OPCML: variants seen among roughly 807,000 people sequenced by gnomAD.
The protein encoded by OPCML is opioid binding protein/cell adhesion molecule like.
In OPCML, 13 loss-of-function variants were observed where a neutral mutation model predicts 37.8. The observed-to-expected ratio is 0.34, with a 90% CI of 0.22 to 0.55. The LOEUF is 0.55. Among genes scored for constraint, OPCML ranks in the 20% least tolerant of loss-of-function variants. OPCML has a pLI of 0.91. For synonymous variants in OPCML, 176 were observed against 168.8 expected (o/e 1.04, Z -0.33); for missense variants, 341 against 435.6 (o/e 0.78, Z 1.93).
chr11:132,433,827 T>G (rs1297510534), intron 7 of OPCML, among the ~76,000 whole-genome samples: 1 of 152,122 alleles, frequency 6.6e-6, no homozygotes, highest in African/African-American at 2.4e-5. Context: ...AGCCATGAGG[T>G]GAGCCCTCAC....
chr11:133,439,537 T>G (rs573031427), intron 1 of OPCML, among the ~76,000 whole-genome samples: 18 of 152,128 alleles, frequency 1.2e-4, no homozygotes, highest in African/African-American at 3.9e-4. Context: ...GCTCCATCTC[T>G]GCTCACTGCA....
chr11:133,012,870 CA>C (rs11456619), intron 1 of OPCML, among the ~76,000 whole-genome samples: 120 of 113,212 alleles, frequency 1.1e-3, no homozygotes, highest in Middle Eastern at 8.7e-3. Flanking sequence ...AACTCCATCT[CA>C]AAAAAAAAAA....
At chr11:133,243,712 A>C (rs1014908961) in intron 1 of OPCML, among the ~76,000 whole-genome samples, 3 of 152,244 alleles carry the variant, frequency 2.0e-5, no homozygotes, top group South Asian at 2.1e-4. Flanking sequence ...AGTGGGTGAC[A>C]TAGCAAGCCA....
chr11:132,843,499 A>T (rs566103512), intron 2 of OPCML, among the ~76,000 whole-genome samples: 90 of 152,272 alleles, frequency 5.9e-4, no homozygotes, highest in African/African-American at 2.0e-3. Context: ...ATACATACCC[A>T]AGAAAGAGAG....
chr11:133,305,146 C>T (rs1483085842), intron 1 of OPCML, among the ~76,000 whole-genome samples: 1 of 152,184 alleles, frequency 6.6e-6, no homozygotes, highest in Non-Finnish European at 1.5e-5. Context: ...AAAAACCTTT[C>T]TCTTAATATT....
intron 2 of OPCML, among the ~76,000 whole-genome samples, chr11:132,899,527 T>C (rs1303997808): frequency 6.6e-6 from 1 of 152,198 alleles, no homozygotes. Context: ...GGTGGAACTA[T>C]TTCCTTGTTA....
At chr11:133,482,627 C>CCA (rs1036698293) in intron 1 of OPCML, among the ~76,000 whole-genome samples, 4 of 151,968 alleles carry the variant, frequency 2.6e-5, no homozygotes, top group Non-Finnish European at 5.9e-5. Flanking sequence ...TGTTCTGTCA[C>CCA]CACTGAAATC....
At position 133,446,164 on chromosome 11, in the gene OPCML, C is replaced by T. The variant is rs990583329; in HGVS notation, c.61+86100G>A. On this transcript the variant is annotated intron_variant, in intron 1 of 7. Coordinates refer to ENST00000524381, the MANE Select transcript of OPCML (RefSeq NM_001012393.5). ...TCAGACAATGTCACTCTGAACTACA[C>T]AGTGGTTATGAGATTTAAGCATCTC... Among the ~76,000 whole-genome samples the T allele has an allele frequency of 3.7e-4, 56 of 152,242 alleles. 1 individual carries two copies. Among genetic ancestry groups the T allele is most frequent in the Middle Eastern group, 6.8e-3 (2 of 294 alleles).
rs1345644214 is a variant in OPCML, at chr11:133,232,212, T to C, written c.62-289202A>G. ...ATGTCCTTCAGCAAGAGTGAATTTC[T>C]AGTGTGGGCAGCTCCGTACTTGGTT... On this transcript the variant is annotated intron_variant, in intron 1 of 7. Coordinates refer to ENST00000524381, the MANE Select transcript of OPCML (RefSeq NM_001012393.5). Among the ~76,000 whole-genome samples the C allele has an allele frequency of 2.6e-5, 4 of 152,062 alleles. No individual in the cohort carries two copies. The East Asian group carries it at 7.7e-4, about 29-fold the overall frequency.
intron 1 of OPCML, among the ~76,000 whole-genome samples, chr11:133,168,758 T>C (rs1429770300): frequency 1.3e-5 from 2 of 152,194 alleles, no homozygotes; most frequent in Admixed American, 6.5e-5. Flanking sequence ...CGGACACTGA[T>C]GTTCGATATT....
At position 133,184,647 on chromosome 11, in the gene OPCML, G is replaced by T. The variant is rs1380389109; in HGVS notation, c.62-241637C>A. ...GTCCATTAAATTAACTATCTACTTA[G>T]AGTAATTAAGACGGGGAAGTCTACT... On this transcript the variant is annotated intron_variant, in intron 1 of 7. Transcript: ENST00000524381. Among the ~76,000 whole-genome samples, 3 of 152,268 alleles carry T rather than the reference G, an allele frequency of 2.0e-5. No homozygotes were observed. The East Asian group carries it at 5.8e-4, about 29-fold the overall frequency.
chr11:133,158,608 G>A (rs1453508684), intron 1 of OPCML, among the ~76,000 whole-genome samples: 2 of 151,930 alleles, frequency 1.3e-5, no homozygotes, highest in East Asian at 1.9e-4. Flanking sequence ...GCTGAGGCAG[G>A]AGAATCACTT....
chr11:133,058,969 G>A (rs998879615), intron 1 of OPCML, among the ~76,000 whole-genome samples: 15 of 152,208 alleles, frequency 9.9e-5, no homozygotes, highest in African/African-American at 3.1e-4. Flanking sequence ...ACCAGAAAAT[G>A]AGAATTCCAG....
chr11:132,807,549 C>T (rs1939087515), intron 2 of OPCML, among the ~76,000 whole-genome samples: 1 of 152,210 alleles, frequency 6.6e-6, no homozygotes, highest in Non-Finnish European at 1.5e-5. Flanking sequence ...CCACTTCACA[C>T]ATACTGGTTC....
chr11:132,765,830 C>T (rs1230246152), intron 2 of OPCML, among the ~76,000 whole-genome samples: 1 of 152,048 alleles, frequency 6.6e-6, no homozygotes, highest in East Asian at 1.9e-4. Context: ...TCCTAAATAC[C>T]ATCCACTACT....
Position 132,810,108 on chromosome 11 carries a change from C to T in OPCML, c.146+132818G>A, listed in dbSNP as rs530692310. Among the ~76,000 whole-genome samples, 6 of 152,210 alleles carry T rather than the reference C, an allele frequency of 3.9e-5. No homozygotes were observed. In the South Asian group the frequency reaches 1.2e-3, roughly 32 times the overall value. On this transcript the variant is annotated intron_variant, in intron 2 of 7. Transcript: ENST00000524381. ...TCGTGATCCGCCCGCCTCAGCCTCC[C>T]AAAGTGCTGGGATTAGAGGCGTGAG... is the stretch of plus-strand genomic sequence containing the variant.
In OPCML at chr11:132,843,729, T is replaced by C. The variant is rs116800044; in HGVS notation, c.146+99197A>G. Among the ~76,000 whole-genome samples, 1,127 of 152,324 alleles carry C rather than the reference T, an allele frequency of 7.4e-3. 10 individuals carry two copies. The highest frequency in any genetic ancestry group is 0.026 in the African/African-American group (1,088 of 41,572). ...GAGATTGTGGCAGAAGGTCTGTATGTGTTAGAAAAATCTATCATCACTGCG... is the reference window on the plus strand; with the variant it reads ...GAGATTGTGGCAGAAGGTCTGTATGCGTTAGAAAAATCTATCATCACTGCG... On this transcript the variant is annotated intron_variant, in intron 2 of 7. Coordinates refer to ENST00000524381, the MANE Select transcript of OPCML (RefSeq NM_001012393.5).
intron 1 of OPCML, among the ~76,000 whole-genome samples, chr11:133,470,900 G>A (rs961483822): frequency 6.6e-6 from 1 of 152,114 alleles, no homozygotes; most frequent in Non-Finnish European, 1.5e-5. Context: ...AAACAAAGCT[G>A]GTCCCTGACA....
chr11:132,800,392 TTA>T (rs1304039245), intron 2 of OPCML, among the ~76,000 whole-genome samples: 1 of 152,156 alleles, frequency 6.6e-6, no homozygotes, highest in African/African-American at 2.4e-5. Flanking sequence ...TTAAATTTGT[TTA>T]TGTTTGTTTG....
Sources: gnomAD v4.1 joint callset for allele counts (sites outside exome capture counted in the v4.1 genomes callset) on GRCh38, gnomAD v4.1.1 for gene constraint, MANE v1.5 for transcripts, NCBI Gene and HGNC (gene_info 2026-07-23, HGNC 2026-07-21) for gene names.